DNAH7: variants seen among roughly 807,000 people sequenced by gnomAD.
DNAH7 encodes the protein axonemal beta dynein heavy chain 7.
A neutral mutation model predicts 444.6 loss-of-function variants in DNAH7; 397 were observed. The observed-to-expected ratio is 0.89, with a 90% CI of 0.82 to 0.97. The LOEUF (loss-of-function observed/expected upper bound fraction) is 0.97. Among genes scored for constraint, DNAH7 ranks in the 50% least tolerant of loss-of-function variants. DNAH7 has a pLI of 0.00. For missense variants in DNAH7, 4,902 were observed against 4,800.8 expected (o/e 1.02, Z -0.62); for synonymous variants, 1,636 against 1,624.4 (o/e 1.01, Z -0.17).
chr2:195,993,775 G>A (rs900110767), intron 12 of DNAH7, among the ~76,000 whole-genome samples: 53 of 152,212 alleles, frequency 3.5e-4, no homozygotes, highest in Admixed American at 2.2e-3. Context: ...TTGCATTTGC[G>A]GCAGTTCCAT....
chr2:195,913,310 G>T (rs1687467884), intron 24 of DNAH7, among the ~76,000 whole-genome samples: 1 of 152,032 alleles, frequency 6.6e-6, no homozygotes, highest in Non-Finnish European at 1.5e-5. Flanking sequence ...ATTAACTTTA[G>T]GCTTTATTAA....
At position 195,960,264 on chromosome 2, in the gene DNAH7, T is replaced by C; in HGVS notation, c.2887A>G (p.Met963Val). The change falls in exon 18 of 65, where the codon ATG becomes GTG. Residue 963 changes from methionine (M) to valine (V), a missense_variant. By Grantham distance (21) the Met-to-Val change is conservative. Transcript: ENST00000312428. The part of the protein sequence containing the change: ...SPFIKPYEKQ[M>V]REWEGKLLLL... ...GCCATATAAATATCACTTTACCTCA[T>C]TTGTTTTTCATAAGGCTTAATGAAA... 6.2e-7 allele frequency: 1 copy of C among 1,601,190 alleles called. No homozygotes were observed.
chr2:195,880,336 T>C (rs1490873369), intron 36 of DNAH7, among the ~76,000 whole-genome samples: 28 of 149,356 alleles, frequency 1.9e-4, no homozygotes, highest in Admixed American at 1.7e-3. Flanking sequence ...TTTTCTTTTT[T>C]TTTTTTTTTT....
At chr2:196,066,317 A>G (rs554150540) in intron 1 of DNAH7, among the ~76,000 whole-genome samples, 68 of 152,348 alleles carry the variant, frequency 4.5e-4, no homozygotes, top group Non-Finnish European at 6.9e-4. Context: ...AGTTATCACC[A>G]TGCTGTTGGT....
intron 63 of DNAH7, among the ~76,000 whole-genome samples, chr2:195,748,683 T>A (rs371186427): frequency 0.014 from 2,152 of 152,136 alleles, 85 homozygotes; most frequent in Admixed American, 0.081. Flanking sequence ...ATAACGCCGC[T>A]TATCTACAAC....
intron 27 of DNAH7, chr2:195,903,876 C>A (rs752740516): frequency 6.6e-6 from 1 of 152,154 alleles, no homozygotes; most frequent in African/African-American, 2.4e-5. Flanking sequence ...TTGGTAGATA[C>A]TCCTGCATTT....
At chr2:195,991,676 T>C (rs1693350279) in intron 12 of DNAH7, among the ~76,000 whole-genome samples, 1 of 152,236 alleles carries the variant, frequency 6.6e-6, no homozygotes, top group South Asian at 2.1e-4. Flanking sequence ...CATGCTAATG[T>C]GTTGCCCTTT....
Position 196,019,175 on chromosome 2 carries a change from A to G in DNAH7, c.864T>C (p.Asn288=). The change falls in exon 9 of 65, where the codon AAT becomes AAC. Residue 288 remains asparagine (N), a synonymous_variant. Transcript: ENST00000312428. ...ATAAGGCCACATATACTCACTTAAA[A>G]TTAGTGTGCCACAAATCTAGTACAG... ...MLAVLDLWHT[N]FKKLRLVDIK... is the part of the protein sequence containing the mutation. 1 of 1,480,102 alleles carries G rather than the reference A, an allele frequency of 6.8e-7. No homozygotes were observed. Among genetic ancestry groups the G allele is most frequent in the Non-Finnish European group, 9.1e-7 (1 of 1,102,074 alleles). 91.7% of individuals were successfully genotyped at this position (1,480,102 alleles called of 1,614,324 possible).
Position 195,806,783 on chromosome 2 carries a change from T to TC in DNAH7, c.10132dup (p.Glu3378GlyfsTer34), listed in dbSNP as rs1361468878. On this transcript the variant is annotated frameshift_variant, in exon 54 of 65. Transcript: ENST00000312428. LOFTEE classifies it high-confidence loss of function. The stretch of plus-strand genomic sequence containing the variant: ...ACGAATAATAAGCATCCTTTGAAAC[T>TC]CATTTGCTTTATCTTCCCATTCTTC... 6.2e-7 allele frequency: 1 copy of TC among 1,613,604 alleles called. No homozygotes were observed. Among genetic ancestry groups the TC allele is most frequent in the African/African-American group, 1.3e-5 (1 of 74,924 alleles).
At chr2:195,772,960 T>C (rs763258000) in intron 60 of DNAH7, among the ~76,000 whole-genome samples, 4 of 152,038 alleles carry the variant, frequency 2.6e-5, no homozygotes, top group Non-Finnish European at 4.4e-5. Context: ...TTTGTATTTT[T>C]AGTAGAGACA....
chr2:195,782,120 C>T (rs931395813), intron 58 of DNAH7, among the ~76,000 whole-genome samples: 4 of 152,046 alleles, frequency 2.6e-5, no homozygotes, highest in African/African-American at 9.7e-5. Flanking sequence ...TTAATTTTTT[C>T]TATTTAGTCT....
At chr2:195,846,753 G>A (rs985897013) in intron 46 of DNAH7, among the ~76,000 whole-genome samples, 5 of 152,084 alleles carry the variant, frequency 3.3e-5, no homozygotes, top group African/African-American at 4.8e-5. Flanking sequence ...GCAGAAAAAC[G>A]TGAAAAGGCT....
At chr2:195,829,504 A>G (rs1011725189) in intron 48 of DNAH7, among the ~76,000 whole-genome samples, 1 of 152,074 alleles carries the variant, frequency 6.6e-6, no homozygotes, top group African/African-American at 2.4e-5. Context: ...CTTTTACATG[A>G]TCATATTTTT....
chr2:195,802,127 C>T (rs1251604883), intron 54 of DNAH7, among the ~76,000 whole-genome samples: 1 of 152,194 alleles, frequency 6.6e-6, no homozygotes, highest in East Asian at 1.9e-4. Context: ...ATTAATTCAT[C>T]TATACATAAT....
At chr2:195,867,001 C>A (rs1258187937) in intron 40 of DNAH7, among the ~76,000 whole-genome samples, 1 of 152,212 alleles carries the variant, frequency 6.6e-6, no homozygotes, top group Admixed American at 6.5e-5. Flanking sequence ...TCACCTTCCA[C>A]CATGATTGTG....
intron 57 of DNAH7, among the ~76,000 whole-genome samples, chr2:195,789,299 T>G (rs553062743): frequency 6.6e-6 from 1 of 151,496 alleles, no homozygotes; most frequent in Non-Finnish European, 1.5e-5. Context: ...TAATGTACCA[T>G]TGAGGGGAAA....
intron 5 of DNAH7, among the ~76,000 whole-genome samples, chr2:196,044,291 G>C (rs1354715165): frequency 6.6e-6 from 1 of 151,750 alleles, no homozygotes; most frequent in African/African-American, 2.4e-5. Context: ...AGCATTTGCA[G>C]CAACGTGGAT....
At chr2:195,765,327 C>T (rs1694520871) in intron 61 of DNAH7, among the ~76,000 whole-genome samples, 1 of 152,086 alleles carries the variant, frequency 6.6e-6, no homozygotes, top group Admixed American at 6.5e-5. Context: ...GCAAAGATTC[C>T]TTGAGTAATA....
At chr2:195,910,553 A>ATT (rs1412626022) in intron 24 of DNAH7, among the ~76,000 whole-genome samples, 7 of 152,214 alleles carry the variant, frequency 4.6e-5, no homozygotes, top group African/African-American at 1.7e-4. Context: ...ATACATGGCC[A>ATT]TTTTTGAAAG....
Sources: gnomAD v4.1 joint callset for allele counts (sites outside exome capture counted in the v4.1 genomes callset) on GRCh38, gnomAD v4.1.1 for gene constraint, MANE v1.5 for transcripts, NCBI Gene and HGNC (gene_info 2026-07-23, HGNC 2026-07-21) for gene names.